The following ST3GAL6 variants were observed in gnomAD, a reference collection of about 807,000 sequenced individuals.
The protein encoded by ST3GAL6 is ST3 beta-galactoside alpha-2,3-sialyltransferase 6.
ST3GAL6 carries 31 observed loss-of-function variants against 40.5 expected under a neutral mutation model. That is an observed-to-expected ratio of 0.77 (90% confidence interval 0.58 to 1.03). The LOEUF (loss-of-function observed/expected upper bound fraction) is 1.03, where lower values mean the gene tolerates loss of function less well. ST3GAL6 is among the 50% of genes least tolerant of loss of function. ST3GAL6 has a pLI of 0.00. For synonymous variants in ST3GAL6, 129 were observed against 136.9 expected (o/e 0.94, Z 0.40); for missense variants, 357 against 393.2 (o/e 0.91, Z 0.78).
Position 98,783,660 on chromosome 3 carries a change from C to T in ST3GAL6, c.336-1285C>T, listed in dbSNP as rs145388880. 1,593 of 985,284 alleles carry T rather than the reference C, an allele frequency of 1.6e-3. 2 individuals are homozygous for T. Among genetic ancestry groups the T allele is most frequent in the Admixed American group, 6.4e-3 (104 of 16,272 alleles). The allele number at this position is 985,284 out of a possible 1,614,324, so 61.0% of individuals were successfully genotyped here. On this transcript the variant is annotated intron_variant, in intron 5 of 9. Coordinates refer to ENST00000483910, the MANE Select transcript of ST3GAL6 (RefSeq NM_001323368.2). ...TGTGACATGAGATGTGTCCACAAGG[C>T]GAGGTTTCAGGCACACACTGAAGGA...
At chr3:98,757,729 C>T (rs1362174201) in intron 1 of ST3GAL6, among the ~76,000 whole-genome samples, 4 of 151,958 alleles carry the variant, frequency 2.6e-5, no homozygotes, top group Non-Finnish European at 5.9e-5. Flanking sequence ...ATAGGGATGA[C>T]GATAAAGCCT....
At chr3:98,742,925 C>T (rs1055080782) in intron 1 of ST3GAL6, among the ~76,000 whole-genome samples, 1 of 151,364 alleles carries the variant, frequency 6.6e-6, no homozygotes, top group Admixed American at 6.6e-5. Context: ...GTCTCAAACT[C>T]CCGACCTCAG....
At position 98,764,487 on chromosome 3, in the gene ST3GAL6, C is replaced by T. The variant is rs368332712; in HGVS notation, c.-12+1048C>T. On this transcript the variant is annotated intron_variant, in intron 1 of 9. Transcript: ENST00000483910. The stretch of plus-strand genomic sequence containing the variant: ...AGCTTTACCTCCATTTCATCAATTA[C>T]TAGAATTGATATTGCTTAAGGAGCT... Among the ~76,000 whole-genome samples the T allele has an allele frequency of 7.2e-5, 11 of 152,250 alleles. No homozygotes were observed. In the East Asian group the frequency reaches 2.1e-3, roughly 29 times the overall value.
chr3:98,743,597 G>A (rs990184411), intron 1 of ST3GAL6, among the ~76,000 whole-genome samples: 7 of 152,078 alleles, frequency 4.6e-5, no homozygotes, highest in African/African-American at 1.4e-4. Context: ...AGTGCACAAA[G>A]CATATAAGTA....
upstream of ST3GAL6, among the ~76,000 whole-genome samples, chr3:98,760,286 C>A (rs1937628893): frequency 6.6e-6 from 1 of 152,194 alleles, no homozygotes; most frequent in South Asian, 2.1e-4. Flanking sequence ...TTGCCAAAAT[C>A]CACTTGACTC....
intron 1 of ST3GAL6, among the ~76,000 whole-genome samples, chr3:98,744,273 C>T (rs975579690): frequency 6.6e-6 from 1 of 152,206 alleles, no homozygotes; most frequent in African/African-American, 2.4e-5. Flanking sequence ...ATCGGTTGTT[C>T]TAAGCTACCC....
At chr3:98,783,428 C>T in intron 5 of ST3GAL6, 1 of 396,156 alleles carries the variant, frequency 2.5e-6, no homozygotes, top group Non-Finnish European at 3.4e-6. Context: ...TGTTTTTGTT[C>T]AGTGTCCCCT....
At chr3:98,770,676 C>T (rs554903400) in intron 2 of ST3GAL6, among the ~76,000 whole-genome samples, 10 of 152,180 alleles carry the variant, frequency 6.6e-5, no homozygotes, top group Non-Finnish European at 1.2e-4. Flanking sequence ...CTTTTCCACC[C>T]TCCCTTTCCT....
At chr3:98,742,538 C>T (rs1430197092) in intron 1 of ST3GAL6, among the ~76,000 whole-genome samples, 7 of 152,174 alleles carry the variant, frequency 4.6e-5, no homozygotes, top group Admixed American at 3.3e-4. Context: ...AGCATATTTG[C>T]AGCACTGTGC....
chr3:98,756,307 T>C (rs1411549543), intron 1 of ST3GAL6: 4 of 1,253,326 alleles, frequency 3.2e-6, no homozygotes, highest in African/African-American at 3.1e-5. Flanking sequence ...AAAATGACTT[T>C]ACATTTTTCT....
At position 98,794,954 on chromosome 3, in the gene ST3GAL6, T is replaced by TATC. The variant is rs541167192; in HGVS notation, c.*1194_*1196dup. Reference sequence around the variant, plus strand: ...TTGGATTTAAATGGTACAAAAAGAATATCTCATTTTCCCATGATTAAAGCT... The same window carrying TATC: ...TTGGATTTAAATGGTACAAAAAGAATATCATCTCATTTTCCCATGATTAAAGCT... On this transcript the variant is annotated 3_prime_UTR_variant, in exon 10 of 10. Transcript: ENST00000483910. The TATC allele has an allele frequency of 1.6e-4, 24 of 152,276 alleles. No homozygotes were observed. Among genetic ancestry groups the TATC allele is most frequent in the African/African-American group, 3.9e-4 (16 of 41,554 alleles). 9.4% of individuals were successfully genotyped at this position (152,276 alleles called of 1,614,324 possible). A position where few individuals can be genotyped will look rare whatever the true frequency, so the allele number is the denominator to read the frequency against.
chr3:98,765,880 G>T (rs1382405801), intron 1 of ST3GAL6, among the ~76,000 whole-genome samples: 2 of 152,072 alleles, frequency 1.3e-5, no homozygotes, highest in Non-Finnish European at 2.9e-5. Context: ...AAAGCAAAAT[G>T]CCCTTCCACT....
intron 5 of ST3GAL6, chr3:98,782,662 T>C (rs995718018): frequency 2.2e-6 from 1 of 444,558 alleles, no homozygotes; most frequent in Non-Finnish European, 4.3e-6. Context: ...ACTTCAACAA[T>C]ACTTTGAGAT....
At chr3:98,783,527 T>C (rs1170553516) in intron 5 of ST3GAL6, 27 of 975,612 alleles carry the variant, frequency 2.8e-5, no homozygotes, top group Non-Finnish European at 3.2e-5. Flanking sequence ...AAATATAATA[T>C]GTCTGACATT....
At chr3:98,744,964 A>G (rs4488775) in intron 1 of ST3GAL6, among the ~76,000 whole-genome samples, 16,801 of 152,090 alleles carry the variant, frequency 0.11, 1,219 homozygotes, top group Middle Eastern at 0.17. Flanking sequence ...CATACTAGAC[A>G]TGGGATGTTC....
At chr3:98,750,236 ATTC>A (rs574781293) in intron 1 of ST3GAL6, among the ~76,000 whole-genome samples, 49 of 152,374 alleles carry the variant, frequency 3.2e-4, no homozygotes, top group African/African-American at 1.2e-3. Context: ...TAAGGTCACC[ATTC>A]TTCTATGGAA....
exon 1 of ST3GAL6, chr3:98,732,530 A>C: frequency 4.1e-6 from 1 of 245,354 alleles, no homozygotes; most frequent in Non-Finnish European, 7.8e-6. Flanking sequence ...CCCCGCCCGA[A>C]AGGTAGGGGT....
Position 98,788,152 on chromosome 3 carries a change from C to CAG in ST3GAL6, c.549_550dup (p.Val184GlufsTer2), listed in dbSNP as rs779497820. ...CCTATTCACAATGACCCTAATACGA[C>CAG]AGTGATTCTCACTGCTTTTAAGCCA... On this transcript the variant is annotated frameshift_variant, in exon 7 of 10. Transcript: ENST00000483910. LOFTEE classifies it high-confidence loss of function. The CAG allele has an allele frequency of 2.5e-6, 4 of 1,613,926 alleles. No individual in the cohort carries two copies. The highest frequency in any genetic ancestry group is 2.2e-5 in the South Asian group (2 of 91,036).
chr3:98,752,250 A>G (rs1937060792), intron 1 of ST3GAL6, among the ~76,000 whole-genome samples: 1 of 152,072 alleles, frequency 6.6e-6, no homozygotes, highest in African/African-American at 2.4e-5. Context: ...TATTTCATAG[A>G]TATTGTGCTT....
Sources: gnomAD v4.1 joint callset for allele counts (sites outside exome capture counted in the v4.1 genomes callset) on GRCh38, gnomAD v4.1.1 for gene constraint, MANE v1.5 for transcripts, NCBI Gene and HGNC (gene_info 2026-07-23, HGNC 2026-07-21) for gene names.